Variants in DYRK1A observed in about 807,000 individuals in gnomAD.
The protein encoded by DYRK1A is dual specificity tyrosine phosphorylation regulated kinase 1A.
In DYRK1A, 9 loss-of-function variants were observed where a neutral mutation model predicts 79.7. The ratio of observed to expected loss-of-function variants is 0.11; its 90% CI spans 0.07 to 0.20. DYRK1A has a LOEUF of 0.20. Ranked by LOEUF, DYRK1A falls within the 10% of genes least tolerant of loss-of-function variation. The probability of loss-of-function intolerance (pLI) is 1.00; values close to 1 mark genes in which losing one functional copy is unlikely to be tolerated. For synonymous variants in DYRK1A, 349 were observed against 329.7 expected (o/e 1.06, Z -0.63); for missense variants, 622 against 956.0 (o/e 0.65, Z 4.61).
chr21:37,461,116 A>G (rs147338024), intron 2 of DYRK1A, among the ~76,000 whole-genome samples: 1,547 of 152,332 alleles, frequency 0.01, 22 homozygotes, highest in African/African-American at 0.034. Context: ...AGGATAGTAC[A>G]GTTCCTAAAA....
At chr21:37,436,026 G>A (rs934438206) in intron 2 of DYRK1A, among the ~76,000 whole-genome samples, 3 of 152,080 alleles carry the variant, frequency 2.0e-5, no homozygotes, top group East Asian at 1.9e-4. Flanking sequence ...AGGAACATGA[G>A]GTGAAGAATA....
chr21:37,506,089 G>C lies in DYRK1A; in HGVS notation c.1520-10G>C, dbSNP rs1357718920. 6.2e-7 allele frequency: 1 copy of C among 1,606,728 alleles called. No individual in the cohort carries two copies. Among genetic ancestry groups the C allele is most frequent in the Non-Finnish European group, 8.5e-7 (1 of 1,174,830 alleles). On this transcript the variant is annotated splice_polypyrimidine_tract_variant and intron_variant, in intron 10 of 11. Coordinates refer to ENST00000647188, the MANE Select transcript of DYRK1A (RefSeq NM_001347721.2). ...TCACAGTTGTATTGTTTTGTGTTGT[G>C]ATATTTCAGGTGGCTCATCGGGGAC...
chr21:37,375,735 C>A (rs2049525991), intron 1 of DYRK1A, among the ~76,000 whole-genome samples: 1 of 151,910 alleles, frequency 6.6e-6, no homozygotes, highest in African/African-American at 2.4e-5. Flanking sequence ...CTATGTTGGT[C>A]AGACTGGTCT....
At chr21:37,369,658 C>A (rs1243963634) in intron 1 of DYRK1A, among the ~76,000 whole-genome samples, 1 of 152,186 alleles carries the variant, frequency 6.6e-6, no homozygotes, top group East Asian at 1.9e-4. Flanking sequence ...GGAAGGGTCA[C>A]CCCTTGTGTT....
chr21:37,430,310 C>T lies in DYRK1A; in HGVS notation c.10+9926C>T. 3 of 972,676 alleles carry T rather than the reference C, an allele frequency of 3.1e-6. No individual in the cohort carries two copies. The South Asian group carries it at 1.4e-4, about 46-fold the overall frequency. The allele number at this position is 972,676 out of a possible 1,614,324, so 60.3% of individuals were successfully genotyped here. Reference sequence around the variant, plus strand: ...AAAACAGAGAACTATACTGGAAGAACATAGTGTATTAAGACTCATGGAGAG... The same window carrying T: ...AAAACAGAGAACTATACTGGAAGAATATAGTGTATTAAGACTCATGGAGAG... On this transcript the variant is annotated intron_variant, in intron 2 of 11. Coordinates refer to ENST00000647188, the MANE Select transcript of DYRK1A (RefSeq NM_001347721.2).
intron 1 of DYRK1A, among the ~76,000 whole-genome samples, chr21:37,408,393 TC>T (rs1242527340): frequency 6.6e-6 from 1 of 152,214 alleles, no homozygotes; most frequent in Admixed American, 6.5e-5. Flanking sequence ...GTCCCTAGCC[TC>T]TTGGCTTCAG....
At chr21:37,414,270 G>T (rs1386000790) in intron 1 of DYRK1A, among the ~76,000 whole-genome samples, 1 of 152,040 alleles carries the variant, frequency 6.6e-6, no homozygotes, top group Admixed American at 6.6e-5. Flanking sequence ...TTGAGTAGGG[G>T]AAATGGTAGA....
chr21:37,513,438 ACAGT>A lies in DYRK1A; in HGVS notation c.*909_*912del, dbSNP rs965902980. ...ATCACTTTTGGACATGCTTTTGCAG[ACAGT>A]CCTTAATGCTGAAAACACAGAGAAT... On this transcript the variant is annotated 3_prime_UTR_variant, in exon 12 of 12. Transcript: ENST00000647188. 6.6e-6 allele frequency: 1 copy of A among 152,656 alleles called. No homozygotes were observed. The highest frequency in any genetic ancestry group is 1.5e-5 in the Non-Finnish European group (1 of 68,040). The allele number at this position is 152,656 out of a possible 1,614,324, so 9.5% of individuals were successfully genotyped here.
rs1363800592 is a variant in DYRK1A at position 37,524,291 on chromosome 21, C to A, written c.*11760C>A. On this transcript the variant is annotated 3_prime_UTR_variant, in exon 12 of 12. Coordinates refer to ENST00000647188, the MANE Select transcript of DYRK1A (RefSeq NM_001347721.2). ...CAAAAAGTAAAAAAAAACCAAAATA[C>A]ATGTTGTTACTTCCCATCTTAGCAC... The A allele has an allele frequency of 2.6e-5, 4 of 152,042 alleles. No homozygotes were observed. The highest frequency in any genetic ancestry group is 5.9e-5 in the Non-Finnish European group (4 of 68,022). 9.4% of individuals were successfully genotyped at this position (152,042 alleles called of 1,614,324 possible).
intron 2 of DYRK1A, among the ~76,000 whole-genome samples, chr21:37,449,918 C>T (rs1043915718): frequency 2.0e-5 from 3 of 152,104 alleles, no homozygotes; most frequent in Admixed American, 1.3e-4. Context: ...TATATGTTAA[C>T]CCATAGAATT....
chr21:37,429,603 G>T (rs896596820), intron 2 of DYRK1A, among the ~76,000 whole-genome samples: 3 of 152,148 alleles, frequency 2.0e-5, no homozygotes, highest in African/African-American at 7.2e-5. Flanking sequence ...CAAGGGGGAG[G>T]TGTGCCCCTG....
chr21:37,415,834 G>A (rs2050327732), intron 1 of DYRK1A, among the ~76,000 whole-genome samples: 1 of 152,104 alleles, frequency 6.6e-6, no homozygotes, highest in African/African-American at 2.4e-5. Context: ...TTTTCTACTA[G>A]ATGAACTTTT....
intron 2 of DYRK1A, among the ~76,000 whole-genome samples, chr21:37,436,355 G>C (rs2050924440): frequency 6.6e-6 from 1 of 152,148 alleles, no homozygotes; most frequent in Admixed American, 6.5e-5. Context: ...GGACTCCGGG[G>C]CCTTAGGTGT....
intron 9 of DYRK1A, among the ~76,000 whole-genome samples, chr21:37,498,940 T>G (rs1601297006): frequency 6.6e-6 from 1 of 152,108 alleles, no homozygotes; most frequent in Admixed American, 6.5e-5. Flanking sequence ...TTCATACATA[T>G]TCTTTGTCAC....
chr21:37,474,701 T>G (rs1244248512), intron 3 of DYRK1A, among the ~76,000 whole-genome samples: 1 of 152,226 alleles, frequency 6.6e-6, no homozygotes, highest in Non-Finnish European at 1.5e-5. Flanking sequence ...CTTACTGTAA[T>G]TTCATTATTT....
At position 37,479,606 on chromosome 21, in the gene DYRK1A, G is replaced by GTTTTTTTTTT. The variant is rs1183029117; in HGVS notation, c.301-1027_301-1026insTTTTTTTTTT. Among the ~76,000 whole-genome samples the GTTTTTTTTTT allele has an allele frequency of 7.2e-3, 198 of 27,564 alleles. 32 individuals carry two copies. Among genetic ancestry groups the GTTTTTTTTTT allele is most frequent in the East Asian group, 0.039 (34 of 878 alleles). 18.1% of individuals were successfully genotyped at this position (27,564 alleles called of 152,430 possible). On this transcript the variant is annotated intron_variant, in intron 4 of 11. Transcript: ENST00000647188. ...GTGTTGGTGTTTTGTTTTTGTTTTTGTTTTTGTTTTTTGTTTTTTTTTTTT... is the reference window on the plus strand; with the variant it reads ...GTGTTGGTGTTTTGTTTTTGTTTTTGTTTTTTTTTTTTTTTGTTTTTTGTTTTTTTTTTTT...
Position 37,513,381 on chromosome 21 carries a change from C to G in DYRK1A, c.*850C>G, listed in dbSNP as rs1369135576. 6.6e-6 allele frequency: 1 copy of G among 152,548 alleles called. No homozygotes were observed. Among genetic ancestry groups the G allele is most frequent in the Non-Finnish European group, 1.5e-5 (1 of 68,048 alleles). 9.4% of individuals were successfully genotyped at this position (152,548 alleles called of 1,614,324 possible). On this transcript the variant is annotated 3_prime_UTR_variant, in exon 12 of 12. Transcript: ENST00000647188. ...ACCTTTGGCCTTATGGATTTGGACT[C>G]GAAATTAGAAGAGCCTACCATTTCA...
At chr21:37,442,880 C>T (rs915210161) in intron 2 of DYRK1A, among the ~76,000 whole-genome samples, 1 of 152,078 alleles carries the variant, frequency 6.6e-6, no homozygotes, top group African/African-American at 2.4e-5. Context: ...TGTCACCCAG[C>T]CTGGAGTGCA....
Position 37,521,450 on chromosome 21 carries a change from T to C in DYRK1A, c.*8919T>C, listed in dbSNP as rs2053934752. The C allele has an allele frequency of 6.6e-6, 1 of 152,148 alleles. No homozygotes were observed. The highest frequency in any genetic ancestry group is 1.5e-5 in the Non-Finnish European group (1 of 68,022). The allele number at this position is 152,148 out of a possible 1,614,324, so 9.4% of individuals were successfully genotyped here. On this transcript the variant is annotated 3_prime_UTR_variant, in exon 12 of 12. Transcript: ENST00000647188. ...TGGTGTGAGAACTATATAAGAGAAATCAACAAATATTAATTGAACACCAGT... is the reference window on the plus strand; with the variant it reads ...TGGTGTGAGAACTATATAAGAGAAACCAACAAATATTAATTGAACACCAGT...
Sources: gnomAD v4.1 joint callset for allele counts (sites outside exome capture counted in the v4.1 genomes callset) on GRCh38, gnomAD v4.1.1 for gene constraint, MANE v1.5 for transcripts, NCBI Gene and HGNC (gene_info 2026-07-23, HGNC 2026-07-21) for gene names.